Variants in NSUN2 observed in about 807,000 individuals in gnomAD.
NSUN2 encodes the protein NOP2/Sun RNA methyltransferase 2.
Under a neutral mutation model 92.7 loss-of-function variants are expected in NSUN2, and 63 were observed. The ratio of observed to expected loss-of-function variants is 0.68; its 90% CI spans 0.56 to 0.84. The LOEUF (loss-of-function observed/expected upper bound fraction) is 0.84, where lower values mean the gene tolerates loss of function less well. Ranked by LOEUF, NSUN2 falls within the 40% of genes least tolerant of loss-of-function variation. The pLI is 0.00. For synonymous variants in NSUN2, 356 were observed against 348.3 expected (o/e 1.02, Z -0.25); for missense variants, 989 against 964.9 (o/e 1.02, Z -0.33).
rs1423573564 is a variant in NSUN2 at position 6,604,596 on chromosome 5, CAAA to C, written c.1818+6_1818+8del. The C allele has an allele frequency of 1.2e-6, 2 of 1,613,664 alleles. No individual in the cohort carries two copies. Among genetic ancestry groups the C allele is most frequent in the Admixed American group, 3.3e-5 (2 of 60,028 alleles). ...GGCTACTGCTGTTCAAATCCACTTC[CAAA>C]ATTACCTCCTGTGCCAGCCGGAAAG... On this transcript the variant is annotated splice_donor_region_variant and intron_variant, in intron 16 of 18. Coordinates refer to ENST00000264670, the MANE Select transcript of NSUN2 (RefSeq NM_017755.6).
At chr5:6,622,804 G>A (rs1579375317) in intron 5 of NSUN2, among the ~76,000 whole-genome samples, 3 of 145,460 alleles carry the variant, frequency 2.1e-5, no homozygotes, top group Admixed American at 7.1e-5. Context: ...CCAAGATCGC[G>A]CCACTGCACT....
At chr5:6,600,324 C>T in intron 18 of NSUN2, 92 bp from the exon 19 acceptor site, 1 of 1,200,008 alleles carries the variant, frequency 8.3e-7, no homozygotes, top group Non-Finnish European at 1.2e-6. Context: ...AAAAGAAAAC[C>T]ACAGAAAACC....
rs751630074 is a variant in NSUN2, at chr5:6,600,096, T to A, written c.2134A>T (p.Lys712Ter). ...TCATTTGTGAGGATAACCCCTTCCT[T>A]CTTCTTTTCTCCCAATACCTCCAGC... ...MGLEVLGEKK[K>*]EGVILTNESA... is the part of the protein sequence containing the mutation. The change falls in exon 19 of 19, where the codon AAG (lysine) becomes TAG (stop). Residue 712 changes from lysine (K) to a stop codon, truncating the protein, a stop_gained. Coordinates refer to ENST00000264670, the MANE Select transcript of NSUN2 (RefSeq NM_017755.6). LOFTEE classifies it low-confidence loss of function (END_TRUNC). 8.7e-6 allele frequency: 14 copies of A among 1,614,154 alleles called. No homozygotes were observed. The highest frequency in any genetic ancestry group is 1.1e-5 in the Non-Finnish European group (13 of 1,180,010).
At chr5:6,611,437 C>T (rs1271396852) in intron 10 of NSUN2, among the ~76,000 whole-genome samples, 1 of 57,068 alleles carries the variant, frequency 1.8e-5, no homozygotes, top group Non-Finnish European at 3.8e-5. Context: ...GGCTTGAATC[C>T]CGGCCCAATT....
intron 3 of NSUN2, among the ~76,000 whole-genome samples, chr5:6,627,630 G>A (rs1737702303): frequency 6.6e-6 from 1 of 152,180 alleles, no homozygotes; most frequent in Non-Finnish European, 1.5e-5. Flanking sequence ...TTGATCTCAT[G>A]TAAAGAAACA....
Position 6,604,420 on chromosome 5 carries a change from AC to A in NSUN2, c.1819-145del, listed in dbSNP as rs33910823. On this transcript the variant is annotated intron_variant, in intron 16 of 18. Coordinates refer to ENST00000264670, the MANE Select transcript of NSUN2 (RefSeq NM_017755.6). ...CTCCCCTTGGACAGGTGTGGAACCCACCCCCCCCTAGGAGGGGAAACCAGCA... is the reference window on the plus strand; with the variant it reads ...CTCCCCTTGGACAGGTGTGGAACCCACCCCCCCTAGGAGGGGAAACCAGCA... 574,041 of 863,296 alleles carry A rather than the reference AC, an allele frequency of 0.66. 193,682 individuals are homozygous for A. The highest frequency in any genetic ancestry group is 0.74 in the Middle Eastern group (2,039 of 2,772). The allele number at this position is 863,296 out of a possible 1,614,324, so 53.5% of individuals were successfully genotyped here. A position where few individuals can be genotyped will look rare whatever the true frequency, so the allele number is the denominator to read the frequency against.
At chr5:6,614,875 G>A (rs1737148205) in intron 9 of NSUN2, among the ~76,000 whole-genome samples, 1 of 152,164 alleles carries the variant, frequency 6.6e-6, no homozygotes, top group Non-Finnish European at 1.5e-5. Context: ...AGCCACGAGT[G>A]AGGACAGGCT....
intron 3 of NSUN2, among the ~76,000 whole-genome samples, chr5:6,628,193 G>GA (rs1362870583): frequency 6.6e-6 from 1 of 151,990 alleles, no homozygotes; most frequent in Admixed American, 6.6e-5. Context: ...ACAAAAAATA[G>GA]AAAAAATAGC....
At chr5:6,606,434 C>T (rs1037562442) in intron 14 of NSUN2, among the ~76,000 whole-genome samples, 4 of 152,152 alleles carry the variant, frequency 2.6e-5, no homozygotes, top group African/African-American at 9.7e-5. Flanking sequence ...CAGGTGCCCG[C>T]CACCACGCCC....
At chr5:6,604,112 G>T in intron 17 of NSUN2, 26 bp downstream of exon 17, 1 of 1,602,958 alleles carries the variant, frequency 6.2e-7, no homozygotes, top group Non-Finnish European at 8.5e-7. Context: ...TACAAGTTAT[G>T]TCTCTATGCA....
At chr5:6,610,494 G>T (rs182932796) in intron 11 of NSUN2, among the ~76,000 whole-genome samples, 210 of 152,154 alleles carry the variant, frequency 1.4e-3, no homozygotes, top group Non-Finnish European at 2.6e-3. Flanking sequence ...TTCAACACCA[G>T]CCTGGCCAAC....
chr5:6,618,842 T>C (rs1737320779), intron 7 of NSUN2, among the ~76,000 whole-genome samples: 2 of 152,198 alleles, frequency 1.3e-5, no homozygotes, highest in Admixed American at 1.3e-4. Context: ...AGGTAACGCC[T>C]GTTTTTGTTG....
chr5:6,630,133 G>A (rs774432291), intron 3 of NSUN2, among the ~76,000 whole-genome samples: 2 of 152,246 alleles, frequency 1.3e-5, no homozygotes, highest in East Asian at 1.9e-4. Context: ...GCTTGATCTC[G>A]TGAAGGTTAC....
chr5:6,623,883 TCTGTTA>T (rs1737554271), intron 4 of NSUN2, among the ~76,000 whole-genome samples: 1 of 152,212 alleles, frequency 6.6e-6, no homozygotes, highest in Admixed American at 6.5e-5. Context: ...GGCCAGGACA[TCTGTTA>T]CAAGGCAGAA....
At chr5:6,601,463 C>T (rs962952023) in intron 18 of NSUN2, among the ~76,000 whole-genome samples, 3 of 152,076 alleles carry the variant, frequency 2.0e-5, no homozygotes, top group East Asian at 1.9e-4. Flanking sequence ...CCTCTCCAGC[C>T]CATCCATCTG....
intron 15 of NSUN2, chr5:6,604,970 C>G (rs1736702806): frequency 1.7e-6 from 1 of 594,082 alleles, no homozygotes; most frequent in Non-Finnish European, 3.0e-6. Flanking sequence ...CTCGCAGCCT[C>G]TACACCTTTA....
Position 6,625,672 on chromosome 5 carries a change from G to A in NSUN2, c.360-3C>T, listed in dbSNP as rs779844496. On this transcript the variant is annotated splice_polypyrimidine_tract_variant and splice_region_variant and intron_variant, in intron 3 of 18. Coordinates refer to ENST00000264670, the MANE Select transcript of NSUN2 (RefSeq NM_017755.6). ...GCCAGGCAAGTTCTTCAGGATACCT[G>A]ACCAAAAAGAAAGCAAAACATTTAT... is the stretch of plus-strand genomic sequence containing the variant. 6.2e-7 allele frequency: 1 copy of A among 1,608,688 alleles called. No homozygotes were observed. The highest frequency in any genetic ancestry group is 8.5e-7 in the Non-Finnish European group (1 of 1,175,214).
At chr5:6,616,941 C>G (rs1737236563) in intron 8 of NSUN2, 84 bp from the exon 9 acceptor site, 2 of 1,226,970 alleles carry the variant, frequency 1.6e-6, no homozygotes, top group Non-Finnish European at 2.2e-6. Flanking sequence ...GTCACATATT[C>G]ATTACAAGCT....
chr5:6,632,730 G>T lies in NSUN2; in HGVS notation c.123C>A (p.Ile41=), dbSNP rs112327056. 6.2e-7 allele frequency: 1 copy of T among 1,613,982 alleles called. No individual in the cohort carries two copies. The change falls in exon 2 of 19, where the codon ATC becomes ATA. Residue 41 remains isoleucine, a synonymous_variant. Coordinates refer to ENST00000264670, the MANE Select transcript of NSUN2 (RefSeq NM_017755.6). ...EAGWEGGYPE[I]VKENKLFEHY... is the part of the protein sequence containing the mutation. ...GCTCGAACAGCTTGTTCTCCTTGAC[G>T]ATCTCGGGGTAGCCTCCTTCCCAGC... is the stretch of plus-strand genomic sequence containing the variant.
Sources: gnomAD v4.1 joint callset for allele counts (sites outside exome capture counted in the v4.1 genomes callset) on GRCh38, gnomAD v4.1.1 for gene constraint, MANE v1.5 for transcripts, NCBI Gene and HGNC (gene_info 2026-07-23, HGNC 2026-07-21) for gene names.